Variants in FAM81A observed in about 807,000 individuals in gnomAD.
FAM81A encodes family with sequence similarity 81 member A.
In FAM81A, 19 loss-of-function variants were observed where a neutral mutation model predicts 46.7. The ratio of observed to expected loss-of-function variants is 0.41; its 90% CI spans 0.28 to 0.60. The LOEUF (loss-of-function observed/expected upper bound fraction) is 0.60. Among genes scored for constraint, FAM81A ranks in the 20% least tolerant of loss-of-function variants. The pLI, the probability that FAM81A is intolerant of heterozygous loss-of-function variation, is 0.34. For synonymous variants in FAM81A, 183 were observed against 152.9 expected, an observed-to-expected ratio of 1.20 and a Z score of -1.45; for missense variants, 377 against 453.5, an observed-to-expected ratio of 0.83 and a Z score of 1.53.
intron 3 of FAM81A, among the ~76,000 whole-genome samples, chr15:59,472,832 G>A (rs561354171): frequency 6.6e-6 from 1 of 152,292 alleles, no homozygotes; most frequent in African/African-American, 2.4e-5. Flanking sequence ...AATGACCTCA[G>A]AGGAACGTAG....
chr15:59,412,888 C>T (rs2081128474), intron 2 of FAM81A, among the ~76,000 whole-genome samples: 1 of 152,108 alleles, frequency 6.6e-6, no homozygotes, highest in African/African-American at 2.4e-5. Flanking sequence ...TAGCCTTGAA[C>T]TGGTTGAGAA....
chr15:59,431,153 C>G (rs2081218095), intron 2 of FAM81A, among the ~76,000 whole-genome samples: 1 of 152,168 alleles, frequency 6.6e-6, no homozygotes, highest in African/African-American at 2.4e-5. Context: ...TTACTGCTTT[C>G]CATCAGACCT....
At chr15:59,458,494 G>A (rs991405976) in intron 1 of FAM81A, 56 bp from the exon 2 acceptor site, 83 of 1,236,660 alleles carry the variant, frequency 6.7e-5, no homozygotes, top group Non-Finnish European at 8.9e-5. Flanking sequence ...ATAAGCTTTT[G>A]AGGTTAAGTT....
At chr15:59,427,915 T>C (rs1223596390) in intron 2 of FAM81A, among the ~76,000 whole-genome samples, 2 of 152,246 alleles carry the variant, frequency 1.3e-5, no homozygotes, top group Non-Finnish European at 2.9e-5. Context: ...CTTTTGGGTA[T>C]GTATCTGGCA....
chr15:59,410,292 A>G (rs112179034), intron 2 of FAM81A, among the ~76,000 whole-genome samples: 51 of 152,236 alleles, frequency 3.4e-4, no homozygotes, highest in Non-Finnish European at 6.9e-4. Context: ...GCGAAACTCC[A>G]TGTCCAAAAA....
chr15:59,436,292 C>T (rs1369252245), upstream of FAM81A, among the ~76,000 whole-genome samples: 4 of 152,034 alleles, frequency 2.6e-5, no homozygotes, highest in Non-Finnish European at 5.9e-5. Context: ...GAAGGCACTT[C>T]CTCTGTTTTA....
Position 59,521,464 on chromosome 15 carries a change from C to A in FAM81A, c.*86C>A. On this transcript the variant is annotated 3_prime_UTR_variant, in exon 9 of 9. Transcript: ENST00000288228. ...TCTGTAGCCAGGCCATCGCTGCATT[C>A]AGGATTGTTCCATCCATGGCGTGCA... The A allele has an allele frequency of 6.9e-7, 1 of 1,450,566 alleles. No homozygotes were observed. Among genetic ancestry groups the A allele is most frequent in the South Asian group, 1.4e-5 (1 of 70,308 alleles). 89.9% of individuals were successfully genotyped at this position (1,450,566 alleles called of 1,614,324 possible). A position where few individuals can be genotyped will look rare whatever the true frequency, so the allele number is the denominator to read the frequency against.
At chr15:59,398,960 G>A (rs1281850588) in intron 1 of FAM81A, among the ~76,000 whole-genome samples, 1 of 151,924 alleles carries the variant, frequency 6.6e-6, no homozygotes, top group Non-Finnish European at 1.5e-5. Flanking sequence ...ACGAGGTCAG[G>A]AGATCGAGAC....
chr15:59,486,362 A>G (rs1264720763), intron 3 of FAM81A, among the ~76,000 whole-genome samples: 2 of 152,112 alleles, frequency 1.3e-5, no homozygotes, highest in African/African-American at 4.8e-5. Flanking sequence ...CAAAAAAAGA[A>G]TGAAAAAAAT....
chr15:59,428,024 C>A (rs112760875), intron 2 of FAM81A, among the ~76,000 whole-genome samples: 44 of 152,356 alleles, frequency 2.9e-4, no homozygotes, highest in African/African-American at 1.0e-3. Flanking sequence ...TTTCTACCAA[C>A]AGTGTACGAG....
chr15:59,458,406 T>C, intron 1 of FAM81A, 144 bp from the exon 2 acceptor site: 1 of 596,440 alleles, frequency 1.7e-6, no homozygotes, highest in Non-Finnish European at 2.9e-6. Context: ...GTTTATTTCA[T>C]GTATAAGATA....
intron 4 of FAM81A, among the ~76,000 whole-genome samples, 177 bp from the exon 5 acceptor site, chr15:59,507,036 T>G (rs961526411): frequency 6.6e-6 from 1 of 152,354 alleles, no homozygotes; most frequent in East Asian, 1.9e-4. Flanking sequence ...ATCCCTGTGG[T>G]TTACCTTAAA....
intron 7 of FAM81A, among the ~76,000 whole-genome samples, chr15:59,515,292 C>T (rs1249867371): frequency 1.3e-5 from 2 of 152,164 alleles, no homozygotes; most frequent in South Asian, 2.1e-4. Flanking sequence ...AATTGTTATG[C>T]TCCCAAACCA....
At chr15:59,421,784 T>TATC (rs2081173859) in intron 2 of FAM81A, among the ~76,000 whole-genome samples, 1 of 148,972 alleles carries the variant, frequency 6.7e-6, no homozygotes, top group African/African-American at 2.6e-5. Flanking sequence ...TCTATCTATC[T>TATC]ATCTATCTAC....
chr15:59,441,923 C>T (rs966017492), intron 1 of FAM81A, among the ~76,000 whole-genome samples: 1 of 152,246 alleles, frequency 6.6e-6, no homozygotes, highest in Non-Finnish European at 1.5e-5. Flanking sequence ...GCACTTTCCC[C>T]GCGCCTCACT....
At chr15:59,512,970 G>A (rs1044002079) in intron 6 of FAM81A, among the ~76,000 whole-genome samples, 1 of 152,198 alleles carries the variant, frequency 6.6e-6, no homozygotes, top group Non-Finnish European at 1.5e-5. Flanking sequence ...TAACATTTGA[G>A]GGCTTCTTAA....
intron 3 of FAM81A, among the ~76,000 whole-genome samples, chr15:59,481,851 T>C (rs2081855808): frequency 6.6e-6 from 1 of 151,798 alleles, no homozygotes; most frequent in African/African-American, 2.4e-5. Flanking sequence ...TTCTATTTTT[T>C]AGGCAAGCAG....
chr15:59,505,237 C>T (rs1178106331), intron 4 of FAM81A, among the ~76,000 whole-genome samples: 6 of 152,106 alleles, frequency 3.9e-5, no homozygotes, highest in African/African-American at 1.2e-4. Flanking sequence ...AAGGGCTGGG[C>T]GCGGTGGCAC....
At chr15:59,490,424 A>G (rs1211866777) in intron 3 of FAM81A, among the ~76,000 whole-genome samples, 1 of 152,252 alleles carries the variant, frequency 6.6e-6, no homozygotes, top group South Asian at 2.1e-4. Flanking sequence ...TGTTTAAAAA[A>G]TGGGCAAAAG....
Sources: allele counts gnomAD v4.1 joint callset (sites outside exome capture counted in the v4.1 genomes callset), GRCh38; gene constraint gnomAD v4.1.1; transcripts MANE v1.5; gene names NCBI Gene and HGNC (gene_info 2026-07-23, HGNC 2026-07-21).